FAM13A: variants seen among roughly 807,000 people sequenced by gnomAD.
FAM13A encodes protein FAM13A.
Under a neutral mutation model 129.6 loss-of-function variants are expected in FAM13A, and 76 were observed. That is an observed-to-expected ratio of 0.59 (90% CI 0.49 to 0.71). FAM13A has a LOEUF of 0.71. FAM13A is among the 30% of genes least tolerant of loss of function. FAM13A has a pLI of 0.00. For synonymous variants in FAM13A, 443 were observed against 449.9 expected (o/e 0.98, Z 0.20); for missense variants, 1,108 against 1,249.3 (o/e 0.89, Z 1.70).
chr4:88,851,700 G>A (rs1470782218), intron 6 of FAM13A, among the ~76,000 whole-genome samples: 1 of 152,180 alleles, frequency 6.6e-6, no homozygotes, highest in Non-Finnish European at 1.5e-5. Context: ...GTAGGGCAAA[G>A]TAAGATCTAA....
intron 7 of FAM13A, among the ~76,000 whole-genome samples, chr4:88,818,620 G>A (rs1033596282): frequency 1.3e-5 from 2 of 152,106 alleles, no homozygotes; most frequent in African/African-American, 4.8e-5. Flanking sequence ...TGAGAACAGA[G>A]CCCACAGAGA....
At chr4:89,021,487 A>T (rs536758010) in intron 2 of FAM13A, among the ~76,000 whole-genome samples, 1 of 152,340 alleles carries the variant, frequency 6.6e-6, no homozygotes, top group Admixed American at 6.5e-5. Flanking sequence ...AAAAATATGA[A>T]TTGAGAAGTA....
chr4:88,851,215 A>G, intron 6 of FAM13A, 32 bp from the exon 7 acceptor site: 1 of 1,505,072 alleles, frequency 6.6e-7, no homozygotes, highest in African/African-American at 1.4e-5. Flanking sequence ...GGTGGGGGAG[A>G]GCTAGATAAA....
intron 9 of FAM13A, 146 bp downstream of exon 9, chr4:88,790,440 A>G (rs1724887439): frequency 1.5e-6 from 1 of 660,902 alleles, no homozygotes; most frequent in Middle Eastern, 2.7e-4. Flanking sequence ...TCTCCTCCAT[A>G]TAGTTTAAAA....
chr4:89,009,974 C>T (rs1178355582), intron 3 of FAM13A, among the ~76,000 whole-genome samples: 1 of 152,206 alleles, frequency 6.6e-6, no homozygotes, highest in Non-Finnish European at 1.5e-5. Context: ...AGTCAGAGTC[C>T]TCTGGTGAGA....
rs1252822124 is a variant in FAM13A, at chr4:89,005,660, TG to T, written c.428-14511del. ...GTGGTTCCAATTTGTATTTCTCTAA[TG>T]ATCAGTGATGTTGAGCTTTTTTCAT... On this transcript the variant is annotated intron_variant, in intron 3 of 23. Transcript: ENST00000264344. Among the ~76,000 whole-genome samples the T allele has an allele frequency of 2.0e-5, 3 of 152,370 alleles. No homozygotes were observed. The East Asian group carries it at 5.8e-4, about 29-fold the overall frequency.
At chr4:88,823,807 G>GCGCA (rs1352414621) in intron 7 of FAM13A, among the ~76,000 whole-genome samples, 9 of 152,190 alleles carry the variant, frequency 5.9e-5, no homozygotes, top group Non-Finnish European at 1.0e-4. Flanking sequence ...ACATCACCCA[G>GCGCA]CGCACGTAGC....
chr4:88,817,556 C>G (rs1414656832), intron 7 of FAM13A, among the ~76,000 whole-genome samples: 1 of 148,744 alleles, frequency 6.7e-6, no homozygotes. Flanking sequence ...GAGCAAGACT[C>G]TGTCTCAAAA....
intron 4 of FAM13A, among the ~76,000 whole-genome samples, chr4:88,952,428 C>T (rs1274591255): frequency 2.6e-5 from 4 of 152,150 alleles, no homozygotes; most frequent in Non-Finnish European, 4.4e-5. Flanking sequence ...CTCAGTATCT[C>T]AATGTTATTT....
chr4:88,973,821 G>A (rs1191463937), intron 4 of FAM13A, among the ~76,000 whole-genome samples: 1 of 152,028 alleles, frequency 6.6e-6, no homozygotes, highest in African/African-American at 2.4e-5. Context: ...CCATGATTAG[G>A]TCTGTCTTTT....
At chr4:88,844,070 G>A (rs889306524) in intron 7 of FAM13A, among the ~76,000 whole-genome samples, 1 of 152,128 alleles carries the variant, frequency 6.6e-6, no homozygotes, top group Non-Finnish European at 1.5e-5. Context: ...CTCATCTGAC[G>A]GTGGAATTCA....
intron 1 of FAM13A, among the ~76,000 whole-genome samples, chr4:89,047,209 T>C (rs1441104376): frequency 6.6e-6 from 1 of 152,218 alleles, no homozygotes; most frequent in Non-Finnish European, 1.5e-5. Context: ...TCTGTTTTTA[T>C]AAGTCTATAT....
rs181292533 is a variant in FAM13A, at chr4:88,848,945, C to A, written c.1007+2075G>T. 1.7e-4 allele frequency among the ~76,000 whole-genome samples: 26 copies of A among 152,314 alleles called. 2 individuals are homozygous for A. The highest frequency in any genetic ancestry group is 5.3e-4 in the African/African-American group (22 of 41,584). On this transcript the variant is annotated intron_variant, in intron 7 of 23. Transcript: ENST00000264344. ...AAATTGTCCTCACTGCCCTGAACGTCCTCACATTTGTTGCTTTTTCTTCCA... is the reference window on the plus strand; with the variant it reads ...AAATTGTCCTCACTGCCCTGAACGTACTCACATTTGTTGCTTTTTCTTCCA...
At chr4:89,001,472 A>C (rs901325300) in intron 3 of FAM13A, among the ~76,000 whole-genome samples, 1 of 152,216 alleles carries the variant, frequency 6.6e-6, no homozygotes, top group Non-Finnish European at 1.5e-5. Flanking sequence ...GGAAAGGTTA[A>C]ATTTTGTAGT....
intron 4 of FAM13A, among the ~76,000 whole-genome samples, chr4:88,945,984 G>GTATATA (rs1755689700): frequency 1.2e-4 from 3 of 25,884 alleles, no homozygotes; most frequent in African/African-American, 3.5e-4. Flanking sequence ...GTGTGTGTGT[G>GTATATA]TGTGTGTATA....
intron 8 of FAM13A, among the ~76,000 whole-genome samples, chr4:88,800,364 CA>C (rs1727171620): frequency 6.6e-6 from 1 of 152,146 alleles, no homozygotes; most frequent in Non-Finnish European, 1.5e-5. Context: ...GCTCCACAGG[CA>C]GGGGGGATGT....
intron 6 of FAM13A, among the ~76,000 whole-genome samples, chr4:88,852,619 T>C (rs887230657): frequency 3.3e-5 from 5 of 152,214 alleles, no homozygotes; most frequent in African/African-American, 4.8e-5. Flanking sequence ...ATAGAGATCA[T>C]AGTCTCCTCC....
intron 11 of FAM13A, among the ~76,000 whole-genome samples, chr4:88,770,122 TTAGA>T (rs1271719213): frequency 1.3e-5 from 2 of 152,194 alleles, no homozygotes; most frequent in Non-Finnish European, 2.9e-5. Context: ...ATTTACACAC[TTAGA>T]TAATTTTAGA....
intron 6 of FAM13A, among the ~76,000 whole-genome samples, chr4:88,871,903 G>A (rs1046125775): frequency 1.5e-4 from 23 of 152,148 alleles, no homozygotes; most frequent in Admixed American, 5.9e-4. Context: ...GAGAAAGGTC[G>A]GGTTACCCAC....
Sources: gnomAD v4.1 joint callset for allele counts (sites outside exome capture counted in the v4.1 genomes callset) on GRCh38, gnomAD v4.1.1 for gene constraint, MANE v1.5 for transcripts, NCBI Gene and HGNC (gene_info 2026-07-23, HGNC 2026-07-21) for gene names.